GALNT13: variants seen among roughly 807,000 people sequenced by gnomAD.
GALNT13 encodes the protein UDP-GalNAc:polypeptide N-acetylgalactosaminyltransferase 13.
GALNT13 carries 28 observed loss-of-function variants against 64.2 expected under a neutral mutation model. The ratio of observed to expected loss-of-function variants is 0.44; its 90% CI spans 0.32 to 0.60. The LOEUF is 0.60. Ranked by LOEUF, GALNT13 falls within the 20% of genes least tolerant of loss-of-function variation. The probability of loss-of-function intolerance (pLI) is 0.05; values close to 1 mark genes in which losing one functional copy is unlikely to be tolerated. For missense variants in GALNT13, 577 were observed against 669.8 expected, an observed-to-expected ratio of 0.86 and a Z score of 1.53; for synonymous variants, 214 against 224.6, an observed-to-expected ratio of 0.95 and a Z score of 0.42.
the GALNT13 span, among the ~76,000 whole-genome samples, chr2:153,581,629 G>A: frequency 1.3e-5 from 2 of 152,058 alleles, no homozygotes; most frequent in African/African-American, 4.8e-5. Context: ...ATAAGGAAGT[G>A]TATGGATGTT....
chr2:154,262,273 C>T (rs1310670833), intron 8 of GALNT13, among the ~76,000 whole-genome samples: 1 of 152,114 alleles, frequency 6.6e-6, no homozygotes, highest in African/African-American at 2.4e-5. Flanking sequence ...ATACTGTTAC[C>T]TCCTCATTAA....
chr2:153,196,325 T>A, the GALNT13 span, among the ~76,000 whole-genome samples: 1 of 151,968 alleles, frequency 6.6e-6, no homozygotes, highest in African/African-American at 2.4e-5. Flanking sequence ...TCCCCCTGTA[T>A]GCTTGTCAGT....
At chr2:153,701,558 A>G in the GALNT13 span, among the ~76,000 whole-genome samples, 10 of 152,216 alleles carry the variant, frequency 6.6e-5, no homozygotes, top group Non-Finnish European at 1.5e-4. Context: ...TGAACAGGCA[A>G]CCTACTGAAT....
chr2:153,874,074 T>C (rs1009393784), intron 1 of GALNT13, among the ~76,000 whole-genome samples: 8 of 149,502 alleles, frequency 5.4e-5, no homozygotes, highest in African/African-American at 1.7e-4. Flanking sequence ...AATCTTTCTT[T>C]CCCCCCGCAC....
At chr2:153,838,782 A>C in the GALNT13 span, among the ~76,000 whole-genome samples, 44,420 of 151,454 alleles carry the variant, frequency 0.29, 7,042 homozygotes, top group Middle Eastern at 0.42. Context: ...TTGTGCTTCC[A>C]CACAAATTTT....
At chr2:153,976,022 C>T (rs1694055207) in intron 3 of GALNT13, among the ~76,000 whole-genome samples, 4 of 152,058 alleles carry the variant, frequency 2.6e-5, no homozygotes. Flanking sequence ...TCCCAACATA[C>T]CTCACCTGAC....
At chr2:153,628,188 T>C in the GALNT13 span, among the ~76,000 whole-genome samples, 46 of 152,108 alleles carry the variant, frequency 3.0e-4, no homozygotes, top group African/African-American at 1.1e-3. Flanking sequence ...TTTTTGTACA[T>C]TGATTTTGTA....
At chr2:154,161,783 A>ATTTTT (rs199651253) in intron 4 of GALNT13, among the ~76,000 whole-genome samples, 1 of 147,604 alleles carries the variant, frequency 6.8e-6, no homozygotes. Context: ...AATCAAGTGT[A>ATTTTT]TTTTTTTTTT....
At chr2:153,137,038 T>C in the GALNT13 span, among the ~76,000 whole-genome samples, 3 of 152,042 alleles carry the variant, frequency 2.0e-5, no homozygotes, top group Admixed American at 2.0e-4. Context: ...AAAAAACTAC[T>C]GGGCAAGGAA....
At chr2:153,452,258 C>T in the GALNT13 span, among the ~76,000 whole-genome samples, 1 of 152,090 alleles carries the variant, frequency 6.6e-6, no homozygotes, top group African/African-American at 2.4e-5. Flanking sequence ...GACCAAATCA[C>T]AAATTGCAGA....
chr2:154,015,561 A>G lies in GALNT13; in HGVS notation c.142+70922A>G, dbSNP rs932909232. ...TGGGAGAAAACGCAGCTATCAGTGGACAACTTTTCCCATTTTATTCTGAGT... is the reference window on the plus strand; with the variant it reads ...TGGGAGAAAACGCAGCTATCAGTGGGCAACTTTTCCCATTTTATTCTGAGT... On this transcript the variant is annotated intron_variant, in intron 3 of 12. Coordinates refer to ENST00000392825, the MANE Select transcript of GALNT13 (RefSeq NM_052917.4). 9.9e-5 allele frequency among the ~76,000 whole-genome samples: 15 copies of G among 152,176 alleles called. 1 individual carries two copies. The highest frequency in any genetic ancestry group is 9.8e-4 in the Admixed American group (15 of 15,276).
chr2:154,389,470 CT>C (rs1193813544), intron 9 of GALNT13, among the ~76,000 whole-genome samples: 1 of 152,138 alleles, frequency 6.6e-6, no homozygotes, highest in Non-Finnish European at 1.5e-5. Context: ...AATAATTTCC[CT>C]TTTAAGTTAT....
chr2:153,803,459 A>G, the GALNT13 span, among the ~76,000 whole-genome samples: 167 of 152,138 alleles, frequency 1.1e-3, no homozygotes, highest in South Asian at 5.6e-3. Context: ...TTGGGAGGCC[A>G]AGGCGGGCGG....
the GALNT13 span, among the ~76,000 whole-genome samples, chr2:153,634,703 A>G: frequency 6.6e-6 from 1 of 151,736 alleles, no homozygotes; most frequent in Non-Finnish European, 1.5e-5. Context: ...GGTGTGCACC[A>G]TCACACCCGG....
intron 3 of GALNT13, among the ~76,000 whole-genome samples, chr2:154,015,634 T>C (rs1020025359): frequency 5.9e-5 from 9 of 152,210 alleles, no homozygotes; most frequent in Non-Finnish European, 1.0e-4. Context: ...ACTCATCACA[T>C]TGCCTTCTCC....
intron 3 of GALNT13, among the ~76,000 whole-genome samples, chr2:154,128,505 G>A (rs1292572012): frequency 3.3e-5 from 5 of 152,036 alleles, no homozygotes; most frequent in African/African-American, 1.2e-4. Flanking sequence ...AATGAAAAAC[G>A]CAAAACCCAG....
At chr2:153,663,713 T>C in the GALNT13 span, among the ~76,000 whole-genome samples, 1 of 152,192 alleles carries the variant, frequency 6.6e-6, no homozygotes, top group African/African-American at 2.4e-5. Context: ...TTCTCCTTTA[T>C]TGTCTACATA....
At chr2:153,248,541 G>A in the GALNT13 span, among the ~76,000 whole-genome samples, 1 of 151,492 alleles carries the variant, frequency 6.6e-6, no homozygotes, top group African/African-American at 2.4e-5. Flanking sequence ...TCGGCCGGGC[G>A]TGGTGGCTCA....
chr2:154,365,406 A>G, intron 9 of GALNT13, among the ~76,000 whole-genome samples: 1 of 152,192 alleles, frequency 6.6e-6, no homozygotes, highest in South Asian at 2.1e-4. Flanking sequence ...CTATTTATAA[A>G]TTGCCAATAT....
Sources: allele counts gnomAD v4.1 joint callset (sites outside exome capture counted in the v4.1 genomes callset), GRCh38; gene constraint gnomAD v4.1.1; transcripts MANE v1.5; gene names NCBI Gene and HGNC (gene_info 2026-07-23, HGNC 2026-07-21).